Variants in PDE1A observed in about 807,000 individuals in gnomAD.
PDE1A encodes the protein phosphodiesterase 1A, also known as dual specificity calcium/calmodulin-dependent 3',5'-cyclic nucleotide phosphodiesterase 1A.
In PDE1A, 35 loss-of-function variants were observed where a neutral mutation model predicts 61.7. That is an observed-to-expected ratio of 0.57 (90% confidence interval 0.43 to 0.75). PDE1A has a LOEUF of 0.75. Among genes scored for constraint, PDE1A ranks in the 30% least tolerant of loss-of-function variants. The pLI is 0.00. For synonymous variants in PDE1A, 232 were observed against 213.2 expected (o/e 1.09, Z -0.77); for missense variants, 597 against 630.6 (o/e 0.95, Z 0.57).
chr2:182,603,812 G>A, the PDE1A span, among the ~76,000 whole-genome samples: 1 of 152,076 alleles, frequency 6.6e-6, no homozygotes, highest in African/African-American at 2.4e-5. Flanking sequence ...ATCAAAAAAT[G>A]TAAACTTTAT....
chr2:182,457,374 G>C (rs1685994785), intron 2 of PDE1A, among the ~76,000 whole-genome samples: 1 of 151,896 alleles, frequency 6.6e-6, no homozygotes, highest in Non-Finnish European at 1.5e-5. Flanking sequence ...TAGTTAAACA[G>C]GTAGAAAACT....
At chr2:182,673,397 G>A in the PDE1A span, among the ~76,000 whole-genome samples, 9 of 152,076 alleles carry the variant, frequency 5.9e-5, no homozygotes, top group African/African-American at 1.9e-4. Context: ...CACCTCTTAC[G>A]AAGCACAAAG....
At chr2:182,623,739 C>T in the PDE1A span, among the ~76,000 whole-genome samples, 1 of 152,310 alleles carries the variant, frequency 6.6e-6, no homozygotes, top group Admixed American at 6.5e-5. Flanking sequence ...AGGCTACAGC[C>T]TAGGTTATTT....
At chr2:182,700,730 A>AAAAAAAAAAAAAAAAAAAAAAAAAAAC in the PDE1A span, among the ~76,000 whole-genome samples, 2 of 143,746 alleles carry the variant, frequency 1.4e-5, no homozygotes, top group Non-Finnish European at 3.1e-5. Context: ...TCAAAAAAAA[A>AAAAAAAAAAAAAAAAAAAAAAAAAAAC]AAAAAAAAAA....
chr2:182,634,569 A>G, the PDE1A span, among the ~76,000 whole-genome samples: 1 of 152,238 alleles, frequency 6.6e-6, no homozygotes, highest in African/African-American at 2.4e-5. Flanking sequence ...AATTGATCCT[A>G]TTAGCATTTT....
Position 182,356,073 on chromosome 2 carries a change from C to T in PDE1A, c.53+70505G>A, listed in dbSNP as rs1453845794. 2.6e-5 allele frequency among the ~76,000 whole-genome samples: 4 copies of T among 152,112 alleles called. No homozygotes were observed. The East Asian group carries it at 7.7e-4, about 29-fold the overall frequency. On this transcript the variant is annotated intron_variant, in intron 1 of 13. Coordinates refer to ENST00000351439, the Ensembl canonical transcript of PDE1A. ...TAACAAGAGCTTTTGAATTATTCTGCTGAGTGCTGATAATAAAAAACAATT... is the reference window on the plus strand; with the variant it reads ...TAACAAGAGCTTTTGAATTATTCTGTTGAGTGCTGATAATAAAAAACAATT...
chr2:182,434,275 C>T (rs917412685), intron 2 of PDE1A, among the ~76,000 whole-genome samples: 3 of 152,050 alleles, frequency 2.0e-5, no homozygotes, highest in Non-Finnish European at 4.4e-5. Context: ...AACTTACATT[C>T]GTGTTTCATA....
At chr2:182,324,763 C>T (rs906429345) in intron 1 of PDE1A, among the ~76,000 whole-genome samples, 1 of 152,146 alleles carries the variant, frequency 6.6e-6, no homozygotes, top group African/African-American at 2.4e-5. Flanking sequence ...TTTGTCCCTT[C>T]CATCCTCCAT....
chr2:182,549,305 T>C, the PDE1A span, among the ~76,000 whole-genome samples: 84 of 152,130 alleles, frequency 5.5e-4, no homozygotes, highest in Admixed American at 3.7e-3. Flanking sequence ...TACATTTCTA[T>C]TAATTTAGAT....
the PDE1A span, among the ~76,000 whole-genome samples, chr2:182,679,588 C>T: frequency 6.6e-6 from 1 of 151,678 alleles, no homozygotes. Context: ...TATTACGTGT[C>T]AATTACAAAT....
At chr2:182,639,092 A>C in the PDE1A span, among the ~76,000 whole-genome samples, 1 of 152,252 alleles carries the variant, frequency 6.6e-6, no homozygotes, top group Admixed American at 6.5e-5. Context: ...AGAGGAACAT[A>C]CATCATAAGT....
At chr2:182,336,366 C>T (rs139140262) in intron 1 of PDE1A, among the ~76,000 whole-genome samples, 1,701 of 152,220 alleles carry the variant, frequency 0.011, 25 homozygotes, top group South Asian at 0.069. Context: ...TTGGAAGCAA[C>T]CCAAATGCCC....
chr2:182,459,963 T>C (rs1007972366), intron 2 of PDE1A, among the ~76,000 whole-genome samples: 3 of 152,180 alleles, frequency 2.0e-5, no homozygotes, highest in African/African-American at 7.2e-5. Flanking sequence ...TAAGGTCAAA[T>C]AATCCACTTC....
the PDE1A span, among the ~76,000 whole-genome samples, chr2:182,672,969 T>C: frequency 6.6e-6 from 1 of 152,224 alleles, no homozygotes; most frequent in African/African-American, 2.4e-5. Context: ...CCAGTAGTTA[T>C]CACGTGACTC....
intron 13 of PDE1A, among the ~76,000 whole-genome samples, chr2:182,169,079 A>AT (rs1691881110): frequency 1.3e-5 from 2 of 152,068 alleles, no homozygotes; most frequent in African/African-American, 2.4e-5. Context: ...AATATCATAA[A>AT]TAATTTCTTT....
the PDE1A span, among the ~76,000 whole-genome samples, chr2:182,606,258 G>A: frequency 3.2e-4 from 49 of 152,152 alleles, 1 homozygote; most frequent in South Asian, 9.8e-3. Context: ...AGCTCACTGC[G>A]ACCTCCACCT....
At chr2:182,159,737 T>C (rs1322342659) in intron 13 of PDE1A, among the ~76,000 whole-genome samples, 2 of 152,112 alleles carry the variant, frequency 1.3e-5, no homozygotes, top group East Asian at 3.9e-4. Context: ...AGAGGATCAC[T>C]TGAGTCCAGG....
At chr2:182,668,287 G>A in the PDE1A span, among the ~76,000 whole-genome samples, 5 of 152,138 alleles carry the variant, frequency 3.3e-5, no homozygotes, top group African/African-American at 1.2e-4. Context: ...GTCAAGACAG[G>A]AGATATGGGG....
the PDE1A span, among the ~76,000 whole-genome samples, chr2:182,606,671 G>A: frequency 2.6e-5 from 4 of 152,136 alleles, no homozygotes. Context: ...ATACCAGCAG[G>A]TCATAAATAC....
Sources: allele counts gnomAD v4.1 joint callset (sites outside exome capture counted in the v4.1 genomes callset), GRCh38; gene constraint gnomAD v4.1.1; transcripts MANE v1.5; gene names NCBI Gene and HGNC (gene_info 2026-07-23, HGNC 2026-07-21).